SRGAP2C: variants seen among roughly 807,000 people sequenced by gnomAD.
SRGAP2C encodes the protein SLIT-ROBO Rho GTPase-activating protein 2C.
Under a neutral mutation model 25.1 loss-of-function variants are expected in SRGAP2C, and 15 were observed. The observed-to-expected ratio is 0.60, with a 90% CI of 0.40 to 0.92. The LOEUF (loss-of-function observed/expected upper bound fraction) is 0.92, where lower values mean the gene tolerates loss of function less well. Ranked by LOEUF, SRGAP2C falls within the 40% of genes least tolerant of loss-of-function variation. The pLI is 0.00. For missense variants in SRGAP2C, 144 were observed against 264.4 expected (o/e 0.54, Z 3.16); for synonymous variants, 44 against 96.6 (o/e 0.46, Z 3.19).
At chr1:121,346,906 C>T (rs185355891) in intron 4 of SRGAP2C, among the ~76,000 whole-genome samples, 2 of 152,064 alleles carry the variant, frequency 1.3e-5, no homozygotes, top group African/African-American at 4.8e-5. Flanking sequence ...CTGGGCCTGC[C>T]TCATGCCCTC....
At chr1:121,264,597 G>T (rs1468320420) in intron 2 of SRGAP2C, among the ~76,000 whole-genome samples, 2 of 146,828 alleles carry the variant, frequency 1.4e-5, no homozygotes, top group Non-Finnish European at 3.0e-5. Context: ...TGTTGCCTCT[G>T]GGCCTTTGAA....
At chr1:121,329,812 G>T (rs1315220235) in intron 4 of SRGAP2C, among the ~76,000 whole-genome samples, 1 of 152,164 alleles carries the variant, frequency 6.6e-6, no homozygotes, top group Non-Finnish European at 1.5e-5. Context: ...TCTGAAGAAA[G>T]TAGCCTCCTG....
At chr1:121,217,887 A>G (rs1461747918) in intron 2 of SRGAP2C, among the ~76,000 whole-genome samples, 1 of 151,410 alleles carries the variant, frequency 6.6e-6, no homozygotes, top group Admixed American at 6.6e-5. Context: ...CCTTTTCTCA[A>G]CACCTGCGAC....
At chr1:121,368,693 C>T (rs1570816380) in intron 5 of SRGAP2C, among the ~76,000 whole-genome samples, 1 of 138,034 alleles carries the variant, frequency 7.2e-6, no homozygotes, top group Non-Finnish European at 1.6e-5. Context: ...GTATGCACAC[C>T]TTTGAGGAGT....
rs1330992358 is a variant in SRGAP2C at position 121,184,989 on chromosome 1, T to C, written c.-678T>C. On this transcript the variant is annotated 5_prime_UTR_variant, in exon 1 of 10. Transcript: ENST00000367123. ...TACTTCCCGGCGGGGTCCTGCGGAG[T>C]TGGCGGAGGCGGCGGAGGCTCCTCC... 1.2e-5 allele frequency: 6 copies of C among 500,936 alleles called. No individual in the cohort carries two copies. Among genetic ancestry groups the C allele is most frequent in the Non-Finnish European group, 1.7e-5 (5 of 286,658 alleles). 31.0% of individuals were successfully genotyped at this position (500,936 alleles called of 1,614,324 possible).
chr1:121,362,403 G>A (rs1553348759), intron 4 of SRGAP2C, among the ~76,000 whole-genome samples: 1 of 151,924 alleles, frequency 6.6e-6, no homozygotes, highest in Admixed American at 6.6e-5. Context: ...CAAATAAACA[G>A]GGATAATAGT....
chr1:121,282,593 C>T (rs1376675096), intron 2 of SRGAP2C, among the ~76,000 whole-genome samples: 4 of 152,022 alleles, frequency 2.6e-5, no homozygotes, highest in African/African-American at 4.8e-5. Context: ...CTCGCTCTGT[C>T]GCCCAGGCTG....
intron 6 of SRGAP2C, among the ~76,000 whole-genome samples, chr1:121,374,464 T>C (rs1659584330): frequency 6.6e-6 from 1 of 152,046 alleles, no homozygotes; most frequent in African/African-American, 2.4e-5. Flanking sequence ...CTCAATATCC[T>C]ATTGCTTTGG....
At chr1:121,231,703 A>G (rs1409335716) in intron 2 of SRGAP2C, among the ~76,000 whole-genome samples, 2 of 148,058 alleles carry the variant, frequency 1.4e-5, no homozygotes, top group Non-Finnish European at 3.0e-5. Flanking sequence ...GAGCCTAGAG[A>G]AAGTAAGTGA....
chr1:121,221,537 C>T (rs1245800075), intron 2 of SRGAP2C, among the ~76,000 whole-genome samples: 2 of 75,188 alleles, frequency 2.7e-5, no homozygotes, highest in East Asian at 1.1e-3. Flanking sequence ...AGTGAAACCT[C>T]GTCTCTACTA....
chr1:121,392,330 CTTCTT>C lies in SRGAP2C; in HGVS notation c.*4476_*4480del, dbSNP rs1413458663. Reference sequence around the variant, plus strand: ...TTTACTTTTCTTCCTCTTCCTTTCTCTTCTTCTTTCTCGCCTTCATTATCCCTTTC... The same window carrying C: ...TTTACTTTTCTTCCTCTTCCTTTCTCCTTTCTCGCCTTCATTATCCCTTTC... On this transcript the variant is annotated 3_prime_UTR_variant, in exon 10 of 10. Coordinates refer to ENST00000367123, the MANE Select transcript of SRGAP2C (RefSeq NM_001329984.2). 6.6e-6 allele frequency: 1 copy of C among 152,074 alleles called. No individual in the cohort carries two copies. Among genetic ancestry groups the C allele is most frequent in the Admixed American group, 6.5e-5 (1 of 15,268 alleles). The allele number at this position is 152,074 out of a possible 1,614,324, so 9.4% of individuals were successfully genotyped here. A position where few individuals can be genotyped will look rare whatever the true frequency, so the allele number is the denominator to read the frequency against.
intron 3 of SRGAP2C, among the ~76,000 whole-genome samples, chr1:121,295,863 G>A (rs1368341377): frequency 2.0e-5 from 3 of 152,066 alleles, no homozygotes; most frequent in African/African-American, 4.8e-5. Flanking sequence ...CCAGGTTCAA[G>A]CTATTCTCCT....
intron 7 of SRGAP2C, among the ~76,000 whole-genome samples, chr1:121,379,503 G>A (rs1426118918): frequency 1.3e-5 from 2 of 150,576 alleles, no homozygotes; most frequent in Non-Finnish European, 3.0e-5. Flanking sequence ...TACTTATTGG[G>A]ATTCTTCTTG....
intron 2 of SRGAP2C, among the ~76,000 whole-genome samples, chr1:121,215,862 CT>C (rs1655367657): frequency 6.6e-6 from 1 of 150,772 alleles, no homozygotes; most frequent in Non-Finnish European, 1.5e-5. Context: ...GAAAAAAATT[CT>C]TTTTGAGAGC....
chr1:121,264,561 C>T (rs1213356961), intron 2 of SRGAP2C, among the ~76,000 whole-genome samples: 11 of 132,774 alleles, frequency 8.3e-5, no homozygotes, highest in Non-Finnish European at 1.1e-4. Context: ...TCGATTATTT[C>T]GGTTCCTTGC....
Position 121,324,553 on chromosome 1 carries a change from C to G in SRGAP2C, c.336C>G (p.Asp112Glu), listed in dbSNP as rs1326343351. The G allele has an allele frequency of 1.7e-4, 273 of 1,611,176 alleles. 3 individuals carry two copies. The African/African-American group carries it at 3.3e-3, about 19-fold the overall frequency. ...LLNQVKWESR[D>E]HTTLSDIYLN... ...ACCAGGTGAAGTGGGAAAGCAGGGA[C>G]CATACCACCCTGAGTGACATCTACC... Residue 112 changes from aspartate to glutamate, a missense_variant, in exon 4 of 10, where the codon GAC becomes GAG. Coordinates refer to ENST00000367123, the MANE Select transcript of SRGAP2C (RefSeq NM_001329984.2).
At position 121,336,619 on chromosome 1, in the gene SRGAP2C, A is replaced by G. The variant is rs1658521048; in HGVS notation, c.423+11979A>G. Among the ~76,000 whole-genome samples, 2 of 91,818 alleles carry G rather than the reference A, an allele frequency of 2.2e-5. 1 individual carries two copies. Among genetic ancestry groups the G allele is most frequent in the Admixed American group, 2.3e-4 (2 of 8,586 alleles). 60.2% of individuals were successfully genotyped at this position (91,818 alleles called of 152,430 possible). ...TTATAGAAAATTTAAAAATACAGAAAGCAAAAATATGATATAAAAAACAGA... is the reference window on the plus strand; with the variant it reads ...TTATAGAAAATTTAAAAATACAGAAGGCAAAAATATGATATAAAAAACAGA... On this transcript the variant is annotated intron_variant, in intron 4 of 9. Transcript: ENST00000367123.
rs782104278 is a variant in SRGAP2C, at chr1:121,374,869, C to G, written c.746C>G (p.Ala249Gly). ...YTENKLKAIKAQNEYLLALEA... is the reference protein window; with the variant it reads ...YTENKLKAIKGQNEYLLALEA... ...GAGAATAAGCTGAAGGCCATCAAAG[C>G]CCAGAATGAGTACTTGCTGGCTTTG... The change falls in exon 7 of 10, where the codon GCC (alanine) becomes GGC (glycine). Residue 249 changes from alanine (A) to glycine (G), a missense_variant. Coordinates refer to ENST00000367123, the MANE Select transcript of SRGAP2C (RefSeq NM_001329984.2). 1.3e-6 allele frequency: 1 copy of G among 779,196 alleles called. No homozygotes were observed. Among genetic ancestry groups the G allele is most frequent in the African/African-American group, 1.7e-5 (1 of 59,070 alleles). The allele number at this position is 779,196 out of a possible 1,614,324, so 48.3% of individuals were successfully genotyped here.
At chr1:121,372,981 C>T (rs1419315979) in intron 5 of SRGAP2C, among the ~76,000 whole-genome samples, 2 of 94,760 alleles carry the variant, frequency 2.1e-5, no homozygotes, top group African/African-American at 8.0e-5. Flanking sequence ...TTTCAGCACT[C>T]GTGAACTCCC....
Sources: allele counts gnomAD v4.1 joint callset (sites outside exome capture counted in the v4.1 genomes callset), GRCh38; gene constraint gnomAD v4.1.1; transcripts MANE v1.5; gene names NCBI Gene and HGNC (gene_info 2026-07-23, HGNC 2026-07-21).